Variants in RORA observed in about 807,000 individuals in gnomAD.
RORA encodes RAR related orphan receptor A.
Under a neutral mutation model 69.5 loss-of-function variants are expected in RORA, and 7 were observed. That is an observed-to-expected ratio of 0.10 (90% confidence interval 0.06 to 0.19). The LOEUF is 0.19. RORA is among the 10% of genes least tolerant of loss of function. RORA has a pLI of 1.00. For synonymous variants in RORA, 261 were observed against 240.8 expected, an observed-to-expected ratio of 1.08 and a Z score of -0.78; for missense variants, 457 against 663.0, an observed-to-expected ratio of 0.69 and a Z score of 3.41.
At chr15:60,874,300 C>A (rs1298602626) in intron 1 of RORA, among the ~76,000 whole-genome samples, 1 of 151,626 alleles carries the variant, frequency 6.6e-6, no homozygotes. Context: ...TTATTTTTTT[C>A]AAAAATATGC....
chr15:60,605,519 G>A (rs957073465), intron 2 of RORA, among the ~76,000 whole-genome samples: 1 of 152,058 alleles, frequency 6.6e-6, no homozygotes, highest in African/African-American at 2.4e-5. Context: ...AAGAAACTAC[G>A]TAAACAATGC....
intron 1 of RORA, among the ~76,000 whole-genome samples, chr15:60,709,867 A>G (rs1377596630): frequency 6.6e-6 from 1 of 152,142 alleles, no homozygotes. Flanking sequence ...CACTCTGTGG[A>G]AAAATTGTCT....
chr15:60,839,099 C>T (rs1395222846), intron 1 of RORA, among the ~76,000 whole-genome samples: 1 of 151,972 alleles, frequency 6.6e-6, no homozygotes, highest in Non-Finnish European at 1.5e-5. Flanking sequence ...AGGGTTTCAC[C>T]GTGTTAGCCA....
At chr15:61,198,726 C>G (rs2140923943) in intron 1 of RORA, among the ~76,000 whole-genome samples, 1 of 150,694 alleles carries the variant, frequency 6.6e-6, no homozygotes, top group African/African-American at 2.4e-5. Context: ...TATTTATTTT[C>G]TGGAAGTGTA....
At chr15:60,957,958 CTT>C (rs5813055) in intron 1 of RORA, among the ~76,000 whole-genome samples, 3,018 of 150,220 alleles carry the variant, frequency 0.02, 31 homozygotes, top group Non-Finnish European at 0.022. Flanking sequence ...ATTTCAGAGT[CTT>C]TTTTTTTTTC....
intron 1 of RORA, among the ~76,000 whole-genome samples, chr15:61,032,274 T>G (rs1025206935): frequency 6.6e-6 from 1 of 152,174 alleles, no homozygotes; most frequent in Non-Finnish European, 1.5e-5. Flanking sequence ...GTGACCCAAA[T>G]GTAATTTAAA....
chr15:60,902,836 C>A (rs968432300), intron 1 of RORA, among the ~76,000 whole-genome samples: 1 of 152,040 alleles, frequency 6.6e-6, no homozygotes, highest in African/African-American at 2.4e-5. Flanking sequence ...CTTCACTGGG[C>A]AGAACGCTTT....
intron 1 of RORA, among the ~76,000 whole-genome samples, chr15:61,165,447 T>C (rs1029859239): frequency 6.6e-6 from 1 of 152,254 alleles, no homozygotes; most frequent in Non-Finnish European, 1.5e-5. Flanking sequence ...ATTCCCTCTT[T>C]TGATCCAGTG....
chr15:60,536,627 G>C (rs2066688048), intron 2 of RORA, among the ~76,000 whole-genome samples: 1 of 152,212 alleles, frequency 6.6e-6, no homozygotes, highest in Non-Finnish European at 1.5e-5. Flanking sequence ...TAGACCCAAG[G>C]TTACCCCAAT....
chr15:60,834,915 C>CA lies in RORA; in HGVS notation c.167-156230dup, dbSNP rs201615051. Among the ~76,000 whole-genome samples, 963 of 149,784 alleles carry CA rather than the reference C, an allele frequency of 6.4e-3. 12 individuals carry two copies. Among genetic ancestry groups the CA allele is most frequent in the African/African-American group, 0.023 (920 of 40,810 alleles). On this transcript the variant is annotated intron_variant, in intron 1 of 10. Coordinates refer to ENST00000335670, the MANE Select transcript of RORA (RefSeq NM_134261.3). ...CTTCGCAGGATTTTTTTTTTCCCTC[C>CA]AAAAAAAAACTATCTTTGTTTTCAG...
chr15:60,982,027 T>A (rs1194550902), intron 1 of RORA, among the ~76,000 whole-genome samples: 1 of 152,258 alleles, frequency 6.6e-6, no homozygotes, highest in African/African-American at 2.4e-5. Flanking sequence ...AAATCTGTAT[T>A]CTACGTCATG....
chr15:60,871,313 C>T (rs900930060), intron 1 of RORA, among the ~76,000 whole-genome samples: 1 of 152,082 alleles, frequency 6.6e-6, no homozygotes, highest in East Asian at 1.9e-4. Context: ...TATTTGGTAA[C>T]CTTCCTGTTA....
At chr15:60,951,972 GC>G (rs1893114283) in intron 1 of RORA, among the ~76,000 whole-genome samples, 1 of 149,646 alleles carries the variant, frequency 6.7e-6, no homozygotes, top group South Asian at 2.2e-4. Flanking sequence ...CCAAAGCCAG[GC>G]AGAGACACAA....
intron 2 of RORA, chr15:60,592,765 G>C: frequency 1.0e-6 from 1 of 984,494 alleles, no homozygotes; most frequent in Non-Finnish European, 1.3e-6. Flanking sequence ...CGCGCCCCGG[G>C]CCCTCGCCCG....
chr15:60,529,074 T>C (rs2066452145), intron 3 of RORA: 1 of 152,248 alleles, frequency 6.6e-6, no homozygotes, highest in South Asian at 2.1e-4. Context: ...TGTGCCAAAA[T>C]AATTATTTCA....
intron 1 of RORA, among the ~76,000 whole-genome samples, chr15:60,945,932 T>G (rs953620474): frequency 1.3e-5 from 2 of 152,176 alleles, no homozygotes; most frequent in Non-Finnish European, 2.9e-5. Flanking sequence ...TCATAAGTTC[T>G]CCCAGCAGCT....
At chr15:60,979,726 A>G (rs951924947) in intron 1 of RORA, among the ~76,000 whole-genome samples, 16 of 61,356 alleles carry the variant, frequency 2.6e-4, no homozygotes, top group East Asian at 7.7e-4. Context: ...ATGTGTGTGT[A>G]TGTATGTGTG....
intron 1 of RORA, among the ~76,000 whole-genome samples, chr15:61,164,864 T>C (rs548917698): frequency 3.9e-5 from 6 of 152,302 alleles, no homozygotes; most frequent in African/African-American, 1.4e-4. Context: ...TAGAGAGCAC[T>C]TTCCAAGAAG....
In RORA at chr15:61,147,607, C is replaced by A. The variant is rs949809703; in HGVS notation, c.166+81446G>T. Among the ~76,000 whole-genome samples, 1 of 152,164 alleles carries A rather than the reference C, an allele frequency of 6.6e-6. No individual in the cohort carries two copies. On this transcript the variant is annotated intron_variant, in intron 1 of 10. Coordinates refer to ENST00000335670, the MANE Select transcript of RORA (RefSeq NM_134261.3). The surrounding 1 kb of genome is among the most constrained non-coding windows in gnomAD (Gnocchi z 4.1). ...TTAGCTGTCCATCAGTAACTTCTTC[C>A]GCTAGAAAAGGAGTGTAGGAAGAAG...
Sources: gnomAD v4.1 joint callset for allele counts (sites outside exome capture counted in the v4.1 genomes callset) on GRCh38, gnomAD v4.1.1 for gene constraint, Gnocchi (gnomAD v3.1) non-coding constraint, MANE v1.5 for transcripts, NCBI Gene and HGNC (gene_info 2026-07-23, HGNC 2026-07-21) for gene names.